The following CNOT6L variants were observed in gnomAD, a reference collection of about 807,000 sequenced individuals.
CNOT6L encodes the protein CCR4-NOT transcription complex subunit 6 like, also known as CCR4-NOT transcription complex subunit 6-like.
A neutral mutation model predicts 64.0 loss-of-function variants in CNOT6L; 7 were observed. The observed-to-expected ratio is 0.11, with a 90% CI of 0.06 to 0.21. The LOEUF is 0.21. Ranked by LOEUF, CNOT6L falls within the 10% of genes least tolerant of loss-of-function variation. The pLI, the probability that CNOT6L is intolerant of heterozygous loss-of-function variation, is 1.00. For missense variants in CNOT6L, 245 were observed against 669.0 expected, an observed-to-expected ratio of 0.37 and a Z score of 6.99; for synonymous variants, 193 against 243.4, an observed-to-expected ratio of 0.79 and a Z score of 1.93.
chr4:77,781,612 T>C (rs912204821), intron 1 of CNOT6L, among the ~76,000 whole-genome samples: 20 of 152,100 alleles, frequency 1.3e-4, no homozygotes, highest in Admixed American at 5.9e-4. Context: ...ACTAGGAAAA[T>C]AAAGTAGCAT....
At chr4:77,747,685 A>AC (rs2109964300) in intron 6 of CNOT6L, among the ~76,000 whole-genome samples, 1 of 152,322 alleles carries the variant, frequency 6.6e-6, no homozygotes, top group South Asian at 2.1e-4. Flanking sequence ...TAAATGTCAA[A>AC]CCATTATTGG....
chr4:77,819,037 CGGGCCA>C (rs1289658339), intron 1 of CNOT6L: 2 of 663,310 alleles, frequency 3.0e-6, no homozygotes, highest in African/African-American at 3.8e-5. Context: ...GTCCCGGCCC[CGGGCCA>C]CCCCCGACAC....
At chr4:77,804,209 C>T (rs1410825310) in intron 1 of CNOT6L, among the ~76,000 whole-genome samples, 1 of 152,064 alleles carries the variant, frequency 6.6e-6, no homozygotes, top group Non-Finnish European at 1.5e-5. Flanking sequence ...GGGCAGATCA[C>T]CTGAAGTCAG....
At chr4:77,816,943 G>A (rs1472440566) in intron 1 of CNOT6L, among the ~76,000 whole-genome samples, 1 of 152,084 alleles carries the variant, frequency 6.6e-6, no homozygotes, top group Admixed American at 6.5e-5. Context: ...TACTAAAAAT[G>A]GAAAGTTATT....
At chr4:77,819,002 A>G (rs1344223147) in intron 1 of CNOT6L, 1 of 668,818 alleles carries the variant, frequency 1.5e-6, no homozygotes, top group Middle Eastern at 3.9e-4. Context: ...GCAGCCACAA[A>G]GCGGGAGGGA....
At chr4:77,797,365 T>A (rs971665850) in intron 1 of CNOT6L, among the ~76,000 whole-genome samples, 3 of 152,110 alleles carry the variant, frequency 2.0e-5, no homozygotes, top group South Asian at 2.1e-4. Context: ...AATTCACAAG[T>A]TTTAAATTGT....
intron 8 of CNOT6L, among the ~76,000 whole-genome samples, chr4:77,738,354 T>C (rs1723200379): frequency 6.6e-6 from 1 of 152,150 alleles, no homozygotes; most frequent in South Asian, 2.1e-4. Context: ...CTTCATATTT[T>C]CCCCCACTAT....
In CNOT6L at chr4:77,804,890, T is replaced by C. The variant is rs17002812; in HGVS notation, c.5+14414A>G. 7.0e-3 allele frequency among the ~76,000 whole-genome samples: 1,067 copies of C among 152,352 alleles called. 14 individuals carry two copies. The highest frequency in any genetic ancestry group is 0.024 in the African/African-American group (986 of 41,584). On this transcript the variant is annotated intron_variant, in intron 1 of 11. Coordinates refer to ENST00000504123, the MANE Select transcript of CNOT6L (RefSeq NM_144571.3). Reference sequence around the variant, plus strand: ...ACACAGTATGAACCTATTTTAGTTATGTTTTTGTGGTTATGTAAGTATATA... The same window carrying C: ...ACACAGTATGAACCTATTTTAGTTACGTTTTTGTGGTTATGTAAGTATATA...
intron 4 of CNOT6L, among the ~76,000 whole-genome samples, chr4:77,759,758 C>T (rs184643232): frequency 1.9e-3 from 288 of 152,152 alleles, no homozygotes; most frequent in Non-Finnish European, 3.0e-3. Context: ...AAAAAGCACA[C>T]AAAAAATTAG....
At chr4:77,800,881 A>G (rs1201973221) in intron 1 of CNOT6L, among the ~76,000 whole-genome samples, 2 of 152,202 alleles carry the variant, frequency 1.3e-5, no homozygotes, top group Non-Finnish European at 2.9e-5. Context: ...TGTAAAAGAA[A>G]GTTAAGGCCA....
At chr4:77,810,646 G>T (rs1454124029) in intron 1 of CNOT6L, among the ~76,000 whole-genome samples, 2 of 151,820 alleles carry the variant, frequency 1.3e-5, no homozygotes. Context: ...TTTGCATTTG[G>T]AACATTCAAT....
At chr4:77,796,663 G>A (rs1229054523) in intron 1 of CNOT6L, among the ~76,000 whole-genome samples, 7 of 152,064 alleles carry the variant, frequency 4.6e-5, no homozygotes, top group East Asian at 1.9e-4. Flanking sequence ...ACAGAACTAC[G>A]TAATTTCAAG....
rs1200840491 is a variant in CNOT6L at position 77,718,913 on chromosome 4, TTG to T, written c.*1516_*1517del. 1.3e-5 allele frequency: 2 copies of T among 152,616 alleles called. No individual in the cohort carries two copies. The highest frequency in any genetic ancestry group is 2.4e-5 in the African/African-American group (1 of 41,454). 9.5% of individuals were successfully genotyped at this position (152,616 alleles called of 1,614,324 possible). ...ATTAGTGAGACACAAATATAGGCTA[TTG>T]TCTTTTAAAATTTCATTCACATAAT... On this transcript the variant is annotated 3_prime_UTR_variant, in exon 12 of 12. Transcript: ENST00000504123.
rs1276166398 is a variant in CNOT6L, at chr4:77,714,511, C to G, written c.*5920G>C. The G allele has an allele frequency of 6.7e-6, 1 of 148,272 alleles. No homozygotes were observed. Among genetic ancestry groups the G allele is most frequent in the Non-Finnish European group, 1.5e-5 (1 of 67,466 alleles). The allele number at this position is 148,272 out of a possible 1,614,324, so 9.2% of individuals were successfully genotyped here. A position where few individuals can be genotyped will look rare whatever the true frequency, so the allele number is the denominator to read the frequency against. On this transcript the variant is annotated 3_prime_UTR_variant, in exon 12 of 12. Transcript: ENST00000504123. ...CTTCCCCACTCCAGAGACAACAAAG[C>G]CAAAGATGAAACATTCAACCTTCTC... is the stretch of plus-strand genomic sequence containing the variant.
intron 1 of CNOT6L, among the ~76,000 whole-genome samples, chr4:77,799,485 A>T (rs1731253659): frequency 6.6e-6 from 1 of 151,996 alleles, no homozygotes. Context: ...CAGGTGGATC[A>T]CCTGAGGTCA....
chr4:77,760,860 C>CTTTT lies in CNOT6L; in HGVS notation c.401-3913_401-3910dup, dbSNP rs754195745. ...TACAGGTGCACACCACCATGCCTGG[C>CTTTT]TTTTTTTTTTTTTTTTTTTTTTTTT... is the stretch of plus-strand genomic sequence containing the variant. On this transcript the variant is annotated intron_variant, in intron 4 of 11. Coordinates refer to ENST00000504123, the MANE Select transcript of CNOT6L (RefSeq NM_144571.3). Among the ~76,000 whole-genome samples the CTTTT allele has an allele frequency of 1.0e-3, 30 of 29,982 alleles. 4 individuals are homozygous for CTTTT. Among genetic ancestry groups the CTTTT allele is most frequent in the East Asian group, 7.5e-3 (9 of 1,194 alleles). 19.7% of individuals were successfully genotyped at this position (29,982 alleles called of 152,430 possible). A position where few individuals can be genotyped will look rare whatever the true frequency, so the allele number is the denominator to read the frequency against.
At chr4:77,792,252 G>A (rs552641985) in intron 1 of CNOT6L, among the ~76,000 whole-genome samples, 2 of 152,022 alleles carry the variant, frequency 1.3e-5, no homozygotes, top group South Asian at 2.1e-4. Context: ...GTTAACCACC[G>A]ATAACCTCCC....
chr4:77,770,395 T>C (rs1727391103), intron 4 of CNOT6L, among the ~76,000 whole-genome samples: 1 of 152,196 alleles, frequency 6.6e-6, no homozygotes, highest in Non-Finnish European at 1.5e-5. Flanking sequence ...AAACTGACTT[T>C]GAAATTATTT....
rs749731350 is a variant in CNOT6L, at chr4:77,756,932, A to G, written c.420T>C (p.Asp140=). The G allele has an allele frequency of 7.5e-6, 12 of 1,606,020 alleles. No individual in the cohort carries two copies. The East Asian group carries it at 2.2e-4, about 30-fold the overall frequency. The change falls in exon 5 of 12, where the codon GAT becomes GAC. Residue 140 remains aspartate (D), a synonymous_variant. Coordinates refer to ENST00000504123, the MANE Select transcript of CNOT6L (RefSeq NM_144571.3). ...CTGGGTCCTGGTATAAGTTGAGAATATCCTGTGATAAAGGATTGCCTAAAG... is the reference window on the plus strand; with the variant it reads ...CTGGGTCCTGGTATAAGTTGAGAATGTCCTGTGATAAAGGATTGCCTAAAG... ...LGLKGNPLSQ[D]ILNLYQDPDG...
Sources: allele counts gnomAD v4.1 joint callset (sites outside exome capture counted in the v4.1 genomes callset), GRCh38; gene constraint gnomAD v4.1.1; transcripts MANE v1.5; gene names NCBI Gene and HGNC (gene_info 2026-07-23, HGNC 2026-07-21).